Variants in PHACTR1 observed in about 807,000 individuals in gnomAD.
PHACTR1 encodes phosphatase and actin regulator 1, also known as RPEL repeat containing 1.
In PHACTR1, 16 loss-of-function variants were observed where a neutral mutation model predicts 69.2. That is an observed-to-expected ratio of 0.23 (90% CI 0.16 to 0.35). The LOEUF is 0.35. PHACTR1 is among the 10% of genes least tolerant of loss of function. The probability of loss-of-function intolerance (pLI) is 1.00; values close to 1 mark genes in which losing one functional copy is unlikely to be tolerated. For missense variants in PHACTR1, 510 were observed against 734.7 expected, an observed-to-expected ratio of 0.69 and a Z score of 3.54; for synonymous variants, 312 against 284.5, an observed-to-expected ratio of 1.10 and a Z score of -0.97.
At chr6:13,148,726 T>C (rs754172038) in intron 5 of PHACTR1, among the ~76,000 whole-genome samples, 1 of 152,212 alleles carries the variant, frequency 6.6e-6, no homozygotes, top group Non-Finnish European at 1.5e-5. Flanking sequence ...GAAAGTATGC[T>C]ATCTGAATTA....
chr6:13,282,726 C>T lies in PHACTR1; in HGVS notation c.1510-696C>T, dbSNP rs559268973. Among the ~76,000 whole-genome samples, 25 of 150,562 alleles carry T rather than the reference C, an allele frequency of 1.7e-4. No homozygotes were observed. In the South Asian group the frequency reaches 5.0e-3, roughly 30 times the overall value. On this transcript the variant is annotated intron_variant, in intron 12 of 14. Coordinates refer to ENST00000332995, the MANE Select transcript of PHACTR1 (RefSeq NM_030948.6). The stretch of plus-strand genomic sequence containing the variant: ...GCAAAACCCCCTTGCAGAAAGCACT[C>T]GATGTGACACAGATGTGGATTCACA...
intron 4 of PHACTR1, among the ~76,000 whole-genome samples, chr6:12,828,412 G>A (rs1026606578): frequency 6.6e-6 from 1 of 152,078 alleles, no homozygotes; most frequent in Non-Finnish European, 1.5e-5. Context: ...GTAAAATTAT[G>A]TGGATGTGTT....
intron 4 of PHACTR1, among the ~76,000 whole-genome samples, chr6:12,972,774 C>T (rs1219723142): frequency 2.0e-5 from 3 of 151,918 alleles, no homozygotes; most frequent in African/African-American, 4.8e-5. Flanking sequence ...GTCTCAGCCT[C>T]CCAAGTTGCT....
chr6:13,088,882 T>C (rs1363239617), intron 5 of PHACTR1, among the ~76,000 whole-genome samples: 2 of 152,214 alleles, frequency 1.3e-5, no homozygotes, highest in Non-Finnish European at 2.9e-5. Flanking sequence ...GGCAATCTGC[T>C]GTTCAGCTTT....
At chr6:12,808,439 G>A (rs186832422) in intron 4 of PHACTR1, among the ~76,000 whole-genome samples, 19 of 152,182 alleles carry the variant, frequency 1.2e-4, no homozygotes, top group East Asian at 1.2e-3. Flanking sequence ...ATTTAATAAC[G>A]TTGCCAGAAG....
At chr6:12,992,452 C>T (rs746596691) in intron 4 of PHACTR1, among the ~76,000 whole-genome samples, 2 of 152,102 alleles carry the variant, frequency 1.3e-5, no homozygotes, top group African/African-American at 4.8e-5. Context: ...AAGAAGAGGT[C>T]AGAACAATCA....
At chr6:12,992,472 G>A (rs982063038) in intron 4 of PHACTR1, among the ~76,000 whole-genome samples, 1 of 152,138 alleles carries the variant, frequency 6.6e-6, no homozygotes, top group African/African-American at 2.4e-5. Context: ...AGGTTCCATA[G>A]ACATCTCCCA....
intron 8 of PHACTR1, among the ~76,000 whole-genome samples, chr6:13,215,514 G>C (rs1767531196): frequency 1.3e-5 from 2 of 152,202 alleles, no homozygotes; most frequent in African/African-American, 4.8e-5. Flanking sequence ...AGAAAAGGGA[G>C]TTGGCATTTG....
chr6:12,734,944 C>T (rs879569123), intron 3 of PHACTR1, among the ~76,000 whole-genome samples: 1 of 152,160 alleles, frequency 6.6e-6, no homozygotes, highest in Non-Finnish European at 1.5e-5. Flanking sequence ...ATTGTGAACC[C>T]ACAGTTATTA....
chr6:13,142,001 G>A (rs1822560955), intron 5 of PHACTR1, among the ~76,000 whole-genome samples: 1 of 152,050 alleles, frequency 6.6e-6, no homozygotes, highest in Non-Finnish European at 1.5e-5. Context: ...TGGTTGAAAC[G>A]TCTTGCCATG....
intron 4 of PHACTR1, among the ~76,000 whole-genome samples, chr6:13,033,309 C>A (rs1802751594): frequency 6.6e-6 from 1 of 152,140 alleles, no homozygotes; most frequent in Admixed American, 6.5e-5. Flanking sequence ...TGTTTCCAGC[C>A]CTAACCAAAC....
At chr6:12,732,042 AG>A (rs1763601661) in intron 3 of PHACTR1, among the ~76,000 whole-genome samples, 1 of 150,414 alleles carries the variant, frequency 6.6e-6, no homozygotes, top group African/African-American at 2.5e-5. Context: ...CCTTATACTG[AG>A]TTGCAGAATA....
chr6:12,957,558 T>C, intron 4 of PHACTR1: 1 of 985,558 alleles, frequency 1.0e-6, no homozygotes. Context: ...AGAGGCAGTC[T>C]GTGCCCCACC....
chr6:12,883,497 G>A (rs1260391366), intron 4 of PHACTR1, among the ~76,000 whole-genome samples: 1 of 151,652 alleles, frequency 6.6e-6, no homozygotes, highest in Non-Finnish European at 1.5e-5. Context: ...TTACAGGTGT[G>A]AGCCACCGTG....
At chr6:13,284,601 A>ATATATAT in intron 13 of PHACTR1, among the ~76,000 whole-genome samples, 1 of 138,568 alleles carries the variant, frequency 7.2e-6, no homozygotes, top group African/African-American at 2.8e-5. Context: ...TATATACTGG[A>ATATATAT]ATAATGATTC....
At chr6:12,809,971 C>A (rs1049792760) in intron 4 of PHACTR1, among the ~76,000 whole-genome samples, 1 of 152,172 alleles carries the variant, frequency 6.6e-6, no homozygotes, top group African/African-American at 2.4e-5. Flanking sequence ...GTGTCTAGGA[C>A]TCTAATACTA....
At chr6:12,862,768 A>T (rs1289391327) in intron 4 of PHACTR1, among the ~76,000 whole-genome samples, 1 of 152,192 alleles carries the variant, frequency 6.6e-6, no homozygotes, top group Non-Finnish European at 1.5e-5. Flanking sequence ...TTGGAACCAA[A>T]ATTATATCTC....
chr6:13,080,735 CAAG>C (rs1811242060), intron 5 of PHACTR1, among the ~76,000 whole-genome samples: 1 of 151,800 alleles, frequency 6.6e-6, no homozygotes, highest in South Asian at 2.1e-4. Context: ...AATGATATCA[CAAG>C]AAGGAAAATA....
chr6:13,088,758 T>C (rs906587904), intron 5 of PHACTR1, among the ~76,000 whole-genome samples: 5 of 152,182 alleles, frequency 3.3e-5, no homozygotes, highest in Non-Finnish European at 7.4e-5. Flanking sequence ...CATAGTCACC[T>C]TGAAGAGCCC....
Sources: allele counts gnomAD v4.1 joint callset (sites outside exome capture counted in the v4.1 genomes callset), GRCh38; gene constraint gnomAD v4.1.1; transcripts MANE v1.5; gene names NCBI Gene and HGNC (gene_info 2026-07-23, HGNC 2026-07-21).